Variants in CHST15 observed in about 807,000 individuals in gnomAD.
The protein encoded by CHST15 is carbohydrate sulfotransferase 15.
A neutral mutation model predicts 53.6 loss-of-function variants in CHST15; 30 were observed. The observed-to-expected ratio is 0.56, with a 90% CI of 0.42 to 0.76. The LOEUF (loss-of-function observed/expected upper bound fraction) is 0.76. Ranked by LOEUF, CHST15 falls within the 30% of genes least tolerant of loss-of-function variation. CHST15 has a pLI of 0.00. For missense variants in CHST15, 627 were observed against 740.5 expected, an observed-to-expected ratio of 0.85 and a Z score of 1.78; for synonymous variants, 296 against 289.8, an observed-to-expected ratio of 1.02 and a Z score of -0.22.
Position 124,038,446 on chromosome 10 carries a change from T to C in CHST15, c.1190+69A>G. On this transcript the variant is annotated intron_variant, in intron 5 of 7. Transcript: ENST00000435907. ...AAAGGAGACAAAATCTTATTTGTCATGAGAGGGGAACACTGTTCTTCAAAA... is the reference window on the plus strand; with the variant it reads ...AAAGGAGACAAAATCTTATTTGTCACGAGAGGGGAACACTGTTCTTCAAAA... 9 of 1,550,400 alleles carry C rather than the reference T, an allele frequency of 5.8e-6. No homozygotes were observed. In the South Asian group the frequency reaches 6.8e-5, roughly 12 times the overall value.
rs191279306 is a variant in CHST15 at position 124,008,835 on chromosome 10, A to T, written c.*1314T>A. ...GGTCCCACCTGGGCTGTTGCCAAGG[A>T]TGCTCAAGCGTTCTCTTCAATCTTC... On this transcript the variant is annotated 3_prime_UTR_variant, in exon 8 of 8. Transcript: ENST00000435907. 1.9e-5 allele frequency: 24 copies of T among 1,239,680 alleles called. No homozygotes were observed. In the East Asian group the frequency reaches 9.8e-4, roughly 51 times the overall value. 76.8% of individuals were successfully genotyped at this position (1,239,680 alleles called of 1,614,324 possible). A position where few individuals can be genotyped will look rare whatever the true frequency, so the allele number is the denominator to read the frequency against.
intron 1 of CHST15, among the ~76,000 whole-genome samples, chr10:124,048,774 C>A (rs1283397218): frequency 4.6e-5 from 7 of 152,184 alleles, no homozygotes; most frequent in Non-Finnish European, 1.5e-5. Context: ...GAATTAGATT[C>A]TTTAAAAAGC....
chr10:124,079,384 C>A (rs1486077386), intron 1 of CHST15, among the ~76,000 whole-genome samples: 2 of 152,186 alleles, frequency 1.3e-5, no homozygotes, highest in African/African-American at 4.8e-5. Flanking sequence ...GTCAGGTTGA[C>A]CAGCTGGTGT....
At chr10:124,018,065 C>G (rs531196348) in intron 6 of CHST15, among the ~76,000 whole-genome samples, 3 of 152,358 alleles carry the variant, frequency 2.0e-5, no homozygotes, top group Admixed American at 6.5e-5. Flanking sequence ...GCCTTGAAGG[C>G]CGTGCACCAA....
At chr10:124,078,659 C>T (rs1464776104) in intron 1 of CHST15, among the ~76,000 whole-genome samples, 8 of 152,234 alleles carry the variant, frequency 5.3e-5, no homozygotes, top group East Asian at 3.9e-4. Flanking sequence ...CTTACGGAAA[C>T]GAATTTTAAC....
rs760847689 is a variant in CHST15, at chr10:124,010,357, G to A, written c.1496-18C>T. ...TAAGGGCCCTAGAATAAAAGAAGAC[G>A]AGTCCCGTAAGGCAGGAGGCATGGC... is the stretch of plus-strand genomic sequence containing the variant. On this transcript the variant is annotated intron_variant, in intron 7 of 7. Transcript: ENST00000435907. 3.7e-5 allele frequency: 58 copies of A among 1,552,248 alleles called. 1 individual carries two copies. The East Asian group carries it at 9.8e-4, about 26-fold the overall frequency.
chr10:124,010,791 A>C, intron 7 of CHST15: 1 of 985,428 alleles, frequency 1.0e-6, no homozygotes, highest in Middle Eastern at 5.2e-4. Flanking sequence ...GCTCATGCCA[A>C]GGTCCCTGGG....
In CHST15 at chr10:124,044,852, G is replaced by A. The variant is rs765371014; in HGVS notation, c.614C>T (p.Ser205Leu). ...GTAGGGGTCGGTGGTGTTCTGCCCC[G>A]AGAACTCCTCGTACCAACAGGGGCT... ...SKSPCWYEEFSGQNTTDPYLT... is the reference protein window; with the variant it reads ...SKSPCWYEEFLGQNTTDPYLT... Residue 205 changes from serine to leucine, a missense_variant, in exon 3 of 8, where the codon TCG becomes TTG. Physicochemically the swap from Ser to Leu is moderately radical, Grantham distance 145. This residue lies in a region of CHST15 where 161 missense variants were observed against 117.2 expected (regional missense o/e 1.37). Coordinates refer to ENST00000435907, the MANE Select transcript of CHST15 (RefSeq NM_001270764.2). 32 of 1,507,932 alleles carry A rather than the reference G, an allele frequency of 2.1e-5. No homozygotes were observed. The East Asian group carries it at 6.7e-4, about 32-fold the overall frequency. 93.4% of individuals were successfully genotyped at this position (1,507,932 alleles called of 1,614,324 possible). A position where few individuals can be genotyped will look rare whatever the true frequency, so the allele number is the denominator to read the frequency against.
intron 6 of CHST15, among the ~76,000 whole-genome samples, chr10:124,018,532 G>A (rs1946662116): frequency 6.6e-6 from 1 of 152,220 alleles, no homozygotes; most frequent in Admixed American, 6.5e-5. Context: ...TCGCCTCTGT[G>A]CCCCCGGATC....
intron 3 of CHST15, among the ~76,000 whole-genome samples, chr10:124,043,318 G>A (rs1275065830): frequency 1.3e-5 from 2 of 152,208 alleles, no homozygotes; most frequent in East Asian, 1.9e-4. Context: ...GCAAGGGAGT[G>A]TGTTCAGACA....
intron 1 of CHST15, among the ~76,000 whole-genome samples, chr10:124,083,257 A>C (rs1477073257): frequency 2.0e-5 from 3 of 152,200 alleles, no homozygotes; most frequent in East Asian, 3.8e-4. Flanking sequence ...TCCAGTGAGC[A>C]CGTCTTCTCA....
Position 124,046,131 on chromosome 10 carries a change from G to A in CHST15, c.82C>T (p.His28Tyr). 6.2e-7 allele frequency: 1 copy of A among 1,614,162 alleles called. No homozygotes were observed. The highest frequency in any genetic ancestry group is 1.3e-5 in the African/African-American group (1 of 75,058). Reference protein sequence around the residue: ...KQQVNCQGGPHHGHQACPTCK... With the variant: ...KQQVNCQGGPYHGHQACPTCK... ...GTGGGGCACGCCTGGTGACCGTGAT[G>A]GGGGCCCCCTTGGCAGTTGACCTGC... Residue 28 changes from histidine (H) to tyrosine (Y), a missense_variant, in exon 2 of 8, where the codon CAT becomes TAT. Transcript: ENST00000435907.
At chr10:124,029,163 A>T (rs1463788381) in intron 5 of CHST15, among the ~76,000 whole-genome samples, 7 of 152,176 alleles carry the variant, frequency 4.6e-5, no homozygotes, top group Non-Finnish European at 1.0e-4. Flanking sequence ...TAATGATTAT[A>T]TATTTTTTTC....
intron 1 of CHST15, among the ~76,000 whole-genome samples, chr10:124,073,247 G>A (rs748215320): frequency 1.6e-4 from 24 of 152,186 alleles, no homozygotes; most frequent in African/African-American, 3.4e-4. Context: ...ATTCAGCTGC[G>A]AAAATGGACA....
At chr10:124,032,748 G>A (rs992979587) in intron 5 of CHST15, among the ~76,000 whole-genome samples, 3 of 151,454 alleles carry the variant, frequency 2.0e-5, no homozygotes, top group Non-Finnish European at 2.9e-5. Context: ...ATTCTTGGCT[G>A]GCTTCTTTGG....
intron 5 of CHST15, among the ~76,000 whole-genome samples, chr10:124,033,309 C>A (rs1184883819): frequency 2.0e-5 from 3 of 152,238 alleles, no homozygotes. Context: ...CAGTAACTTA[C>A]ACAGAAAATA....
chr10:124,041,971 T>C (rs546746054), intron 4 of CHST15, among the ~76,000 whole-genome samples: 1 of 152,314 alleles, frequency 6.6e-6, no homozygotes, highest in East Asian at 1.9e-4. Context: ...TCCAAACTTA[T>C]CAGATCAGTA....
At chr10:124,078,204 G>A (rs1301357648) in intron 1 of CHST15, among the ~76,000 whole-genome samples, 2 of 152,230 alleles carry the variant, frequency 1.3e-5, no homozygotes, top group Non-Finnish European at 2.9e-5. Context: ...AGCAGTCACT[G>A]TGCAGGCCTG....
At chr10:124,061,361 G>T (rs1948565900) in intron 1 of CHST15, among the ~76,000 whole-genome samples, 1 of 152,164 alleles carries the variant, frequency 6.6e-6, no homozygotes, top group Admixed American at 6.5e-5. Context: ...GTTTATCGGG[G>T]GTTTCCGCTT....
Sources: gnomAD v4.1 joint callset for allele counts (sites outside exome capture counted in the v4.1 genomes callset) on GRCh38, gnomAD v4.1.1 for gene constraint, gnomAD v4.1.1 regional missense constraint, MANE v1.5 for transcripts, NCBI Gene and HGNC (gene_info 2026-07-23, HGNC 2026-07-21) for gene names.